TBC1D23: variants seen among roughly 807,000 people sequenced by gnomAD.
TBC1D23 encodes TBC1 domain family member 23, also known as HCV non-structural protein 4A-transactivated protein 1.
A neutral mutation model predicts 91.4 loss-of-function variants in TBC1D23; 55 were observed. That is an observed-to-expected ratio of 0.60 (90% CI 0.48 to 0.75). The LOEUF is 0.75. Among genes scored for constraint, TBC1D23 ranks in the 30% least tolerant of loss-of-function variants. The pLI is 0.00. For synonymous variants in TBC1D23, 289 were observed against 281.0 expected (o/e 1.03, Z -0.28); for missense variants, 725 against 836.1 (o/e 0.87, Z 1.64).
intron 11 of TBC1D23, among the ~76,000 whole-genome samples, chr3:100,304,323 C>T (rs1263144272): frequency 6.6e-6 from 1 of 151,986 alleles, no homozygotes; most frequent in Non-Finnish European, 1.5e-5. Flanking sequence ...GGGGTGATGC[C>T]TGCCTCTTTT....
chr3:100,310,335 A>G, intron 13 of TBC1D23, 68 bp from the exon 14 acceptor site: 3 of 1,387,942 alleles, frequency 2.2e-6, no homozygotes, highest in Admixed American at 4.0e-5. Context: ...TAACATGTAG[A>G]TAACCATTAG....
chr3:100,304,635 C>A (rs113373083), intron 11 of TBC1D23, among the ~76,000 whole-genome samples: 1 of 152,096 alleles, frequency 6.6e-6, no homozygotes, highest in Admixed American at 6.5e-5. Flanking sequence ...TGAAGTTGTT[C>A]CCTTCTTCCC....
chr3:100,267,679 A>G (rs1345373571), intron 1 of TBC1D23, among the ~76,000 whole-genome samples: 2 of 152,216 alleles, frequency 1.3e-5, no homozygotes, highest in Admixed American at 6.5e-5. Flanking sequence ...TAATGCTCCA[A>G]TGAGCATTCC....
At chr3:100,296,138 C>A in intron 7 of TBC1D23, 34 bp from the exon 8 acceptor site, 1 of 1,259,716 alleles carries the variant, frequency 7.9e-7, no homozygotes, top group Non-Finnish European at 1.1e-6. Flanking sequence ...GCATTTTTCA[C>A]AAACTACTAA....
chr3:100,323,093 G>A (rs1349118949), intron 18 of TBC1D23, among the ~76,000 whole-genome samples: 2 of 152,078 alleles, frequency 1.3e-5, no homozygotes, highest in African/African-American at 4.8e-5. Context: ...ATAACCCTCT[G>A]TAAAGTTTGG....
In TBC1D23 at chr3:100,283,652, A is replaced by T. The variant is rs1261148521; in HGVS notation, c.317A>T (p.Asp106Val). ...GAGAAGGCAGCAGAATTACTTTTGG[A>T]TATTGAATCTGTAATTACCTTTTAT... ...PEEKAAELLL[D>V]IESVITFYCK... Residue 106 changes from aspartate to valine, a missense_variant, in exon 4 of 19, where the codon GAT becomes GTT. Physicochemically the swap from Asp to Val is radical, Grantham distance 152. Coordinates refer to ENST00000394144, the MANE Select transcript of TBC1D23 (RefSeq NM_001199198.3). 1 of 1,613,800 alleles carries T rather than the reference A, an allele frequency of 6.2e-7. No homozygotes were observed. Among genetic ancestry groups the T allele is most frequent in the Non-Finnish European group, 8.5e-7 (1 of 1,179,858 alleles).
chr3:100,296,276 G>T lies in TBC1D23; in HGVS notation c.876+1G>T. On this transcript the variant is annotated splice_donor_variant, in intron 8 of 18. Coordinates refer to ENST00000394144, the MANE Select transcript of TBC1D23 (RefSeq NM_001199198.3). LOFTEE classifies it high-confidence loss of function. ...CAAAACACCGGCTTCTTTTAGGAAG[G>T]TATAAGACCAGAAATGACCAACTAT... The T allele has an allele frequency of 1.3e-6, 2 of 1,544,490 alleles. No homozygotes were observed. The highest frequency in any genetic ancestry group is 1.8e-6 in the Non-Finnish European group (2 of 1,126,784).
In TBC1D23 at chr3:100,292,462, T is replaced by C. The variant is rs1025159937; in HGVS notation, c.600+1761T>C. ...GTGGAAATAATAGTACTGTACCTAC[T>C]TCAGAGGATGATAGGATGAGTTAAC... On this transcript the variant is annotated intron_variant, in intron 5 of 18. Coordinates refer to ENST00000394144, the MANE Select transcript of TBC1D23 (RefSeq NM_001199198.3). Among the ~76,000 whole-genome samples, 12 of 152,348 alleles carry C rather than the reference T, an allele frequency of 7.9e-5. No individual in the cohort carries two copies. In the East Asian group the frequency reaches 2.3e-3, roughly 29 times the overall value.
chr3:100,295,914 TAATA>T (rs1486527404), intron 7 of TBC1D23, among the ~76,000 whole-genome samples: 9 of 152,350 alleles, frequency 5.9e-5, no homozygotes, highest in African/African-American at 1.9e-4. Flanking sequence ...CATATATGTT[TAATA>T]AATAAATCAT....
chr3:100,309,771 C>T (rs946503795), intron 13 of TBC1D23, among the ~76,000 whole-genome samples: 4 of 152,024 alleles, frequency 2.6e-5, no homozygotes, highest in East Asian at 1.9e-4. Flanking sequence ...TCACCACGCC[C>T]GGCTAATTTT....
chr3:100,308,347 C>T (rs1011315163), intron 13 of TBC1D23, among the ~76,000 whole-genome samples: 24 of 152,080 alleles, frequency 1.6e-4, no homozygotes, highest in Non-Finnish European at 2.8e-4. Flanking sequence ...TGGTGGCAGG[C>T]GCCTGTAGTC....
intron 4 of TBC1D23, among the ~76,000 whole-genome samples, chr3:100,287,974 C>T (rs1324167874): frequency 6.6e-6 from 1 of 152,012 alleles, no homozygotes; most frequent in African/African-American, 2.4e-5. Flanking sequence ...GGTGCAGTGA[C>T]TCACACCTGT....
intron 4 of TBC1D23, among the ~76,000 whole-genome samples, chr3:100,285,341 C>G (rs907788454): frequency 1.3e-5 from 2 of 152,074 alleles, no homozygotes; most frequent in African/African-American, 2.4e-5. Context: ...AGGAATCATA[C>G]CTTATATGTT....
Position 100,311,890 on chromosome 3 carries a change from G to A in TBC1D23, c.1598+13G>A, listed in dbSNP as rs1705631948. The A allele has an allele frequency of 6.6e-7, 1 of 1,525,238 alleles. No individual in the cohort carries two copies. The highest frequency in any genetic ancestry group is 8.8e-7 in the Non-Finnish European group (1 of 1,136,764). 94.5% of individuals were successfully genotyped at this position (1,525,238 alleles called of 1,614,324 possible). On this transcript the variant is annotated intron_variant, in intron 15 of 18. Coordinates refer to ENST00000394144, the MANE Select transcript of TBC1D23 (RefSeq NM_001199198.3). Reference sequence around the variant, plus strand: ...CATGTACAGAGCGGTAAGCCAATGAGTAGAGCATTTTTCTTGAACCATCCT... The same window carrying A: ...CATGTACAGAGCGGTAAGCCAATGAATAGAGCATTTTTCTTGAACCATCCT...
At position 100,323,769 on chromosome 3, in the gene TBC1D23, G is replaced by C; in HGVS notation, c.*101G>C. The C allele has an allele frequency of 2.3e-6, 1 of 432,972 alleles. No homozygotes were observed. 26.8% of individuals were successfully genotyped at this position (432,972 alleles called of 1,614,324 possible). A position where few individuals can be genotyped will look rare whatever the true frequency, so the allele number is the denominator to read the frequency against. ...AACTGGAGACCTTTCATTTGCTCAT[G>C]GGGCTGCTTAAATAGCAGGTCTAAG... On this transcript the variant is annotated 3_prime_UTR_variant, in exon 19 of 19. Coordinates refer to ENST00000394144, the MANE Select transcript of TBC1D23 (RefSeq NM_001199198.3).
intron 1 of TBC1D23, among the ~76,000 whole-genome samples, chr3:100,277,818 T>C (rs984937566): frequency 5.3e-5 from 8 of 152,222 alleles, no homozygotes; most frequent in African/African-American, 1.7e-4. Flanking sequence ...AGAGAAGAGA[T>C]AAACCCCAGT....
At chr3:100,282,584 G>C (rs277636) in intron 3 of TBC1D23, among the ~76,000 whole-genome samples, 105,873 of 152,128 alleles carry the variant, frequency 0.7, 38,342 homozygotes, top group East Asian at 0.96. Flanking sequence ...CAATGTGGAT[G>C]AATTTAGTTT....
At position 100,290,609 on chromosome 3, in the gene TBC1D23, C is replaced by G; in HGVS notation, c.508C>G (p.Leu170Val). 6.2e-7 allele frequency: 1 copy of G among 1,613,884 alleles called. No homozygotes were observed. The highest frequency in any genetic ancestry group is 8.5e-7 in the Non-Finnish European group (1 of 1,179,884). ...TTCCCAGAAAGGGAGACCATTTCATCTCTTCAGGTTGCTCATCCAATACCA... is the reference window on the plus strand; with the variant it reads ...TTCCCAGAAAGGGAGACCATTTCATGTCTTCAGGTTGCTCATCCAATACCA... ...DCSQKGRPFH[L>V]FRLLIQYHEP... The change falls in exon 5 of 19, where the codon CTC becomes GTC. Residue 170 changes from leucine to valine, a missense_variant. Coordinates refer to ENST00000394144, the MANE Select transcript of TBC1D23 (RefSeq NM_001199198.3).
At chr3:100,285,487 T>C (rs1262592475) in intron 4 of TBC1D23, among the ~76,000 whole-genome samples, 2 of 152,256 alleles carry the variant, frequency 1.3e-5, no homozygotes, top group African/African-American at 4.8e-5. Flanking sequence ...CATCAGTTGA[T>C]GGATATTTGG....
Sources: allele counts gnomAD v4.1 joint callset (sites outside exome capture counted in the v4.1 genomes callset), GRCh38; gene constraint gnomAD v4.1.1; transcripts MANE v1.5; gene names NCBI Gene and HGNC (gene_info 2026-07-23, HGNC 2026-07-21).